The following ZNF765 variants were observed in gnomAD, a reference collection of about 807,000 sequenced individuals.
ZNF765 encodes the protein zinc finger protein 765.
In ZNF765, 37 loss-of-function variants were observed where a neutral mutation model predicts 44.7. That is an observed-to-expected ratio of 0.83 (90% CI 0.64 to 1.09). The LOEUF (loss-of-function observed/expected upper bound fraction) is 1.09. ZNF765 is among the 50% of genes least tolerant of loss of function. ZNF765 has a pLI of 0.00. For missense variants in ZNF765, 594 were observed against 626.1 expected, an observed-to-expected ratio of 0.95 and a Z score of 0.55; for synonymous variants, 201 against 213.7, an observed-to-expected ratio of 0.94 and a Z score of 0.52.
chr19:53,401,824 A>G, intron 2 of ZNF765: 1 of 1,006,876 alleles, frequency 9.9e-7, no homozygotes, highest in Non-Finnish European at 1.5e-6. Context: ...TGCATTGAGC[A>G]GAGACTGTGC....
chr19:53,418,104 A>C (rs1241104133), intron 3 of ZNF765, among the ~76,000 whole-genome samples: 1 of 152,216 alleles, frequency 6.6e-6, no homozygotes, highest in African/African-American at 2.4e-5. Flanking sequence ...AAAGTTTTAA[A>C]AATATAATAG....
intron 1 of ZNF765, among the ~76,000 whole-genome samples, chr19:53,397,260 T>C (rs865925475): frequency 3.3e-5 from 5 of 152,268 alleles, no homozygotes; most frequent in Non-Finnish European, 5.9e-5. Flanking sequence ...AAAGCTAATC[T>C]ATTTTGGTAG....
intron 2 of ZNF765, 127 bp from the exon 3 acceptor site, chr19:53,401,938 C>T: frequency 6.2e-7 from 1 of 1,601,446 alleles, no homozygotes; most frequent in Non-Finnish European, 8.5e-7. Flanking sequence ...TGAAAAATCC[C>T]TTACTCAGAT....
chr19:53,409,978 C>T lies in ZNF765; in HGVS notation c.*851C>T. The T allele has an allele frequency of 1.8e-6, 1 of 550,478 alleles. No homozygotes were observed. The allele number at this position is 550,478 out of a possible 1,614,324, so 34.1% of individuals were successfully genotyped here. A position where few individuals can be genotyped will look rare whatever the true frequency, so the allele number is the denominator to read the frequency against. ...CAACTATTGCAAATCATTGGAGAAT[C>T]CATAATGAAGAGAGATCCTACAAGT... On this transcript the variant is annotated 3_prime_UTR_variant, in exon 4 of 4. Transcript: ENST00000396408.
chr19:53,400,342 T>C (rs1447808783), intron 2 of ZNF765, among the ~76,000 whole-genome samples: 1 of 152,170 alleles, frequency 6.6e-6, no homozygotes, highest in Non-Finnish European at 1.5e-5. Context: ...CTTTTCCCTG[T>C]ATAAAGAGTG....
chr19:53,396,202 C>T (rs1391968234), intron 1 of ZNF765, among the ~76,000 whole-genome samples: 2 of 151,864 alleles, frequency 1.3e-5, no homozygotes, highest in African/African-American at 2.4e-5. Flanking sequence ...GGGAGAAGCA[C>T]AGCAGGGAGG....
chr19:53,416,047 C>T (rs1201238268), downstream of ZNF765, among the ~76,000 whole-genome samples: 1 of 152,026 alleles, frequency 6.6e-6, no homozygotes, highest in Non-Finnish European at 1.5e-5. Flanking sequence ...CTCTGCCTCC[C>T]AGGTTAAAGT....
At chr19:53,399,325 CA>C (rs1268253891) in intron 2 of ZNF765, among the ~76,000 whole-genome samples, 1 of 146,306 alleles carries the variant, frequency 6.8e-6, no homozygotes, top group Non-Finnish European at 1.5e-5. Flanking sequence ...AAACTCCAAG[CA>C]AAGCTGCAGC....
intron 2 of ZNF765, among the ~76,000 whole-genome samples, chr19:53,400,783 T>TATATATATACAC (rs10664389): frequency 0.12 from 15,446 of 126,608 alleles, 1,089 homozygotes; most frequent in African/African-American, 0.17. Context: ...TATATATATA[T>TATATATATACAC]ACACACATAC....
In ZNF765 at chr19:53,402,195, A is replaced by G. The variant is rs1446826552; in HGVS notation, c.142+4A>G. The G allele has an allele frequency of 6.3e-7, 1 of 1,583,442 alleles. No individual in the cohort carries two copies. Among genetic ancestry groups the G allele is most frequent in the Non-Finnish European group, 8.6e-7 (1 of 1,163,030 alleles). On this transcript the variant is annotated splice_donor_region_variant and intron_variant, in intron 3 of 3. Coordinates refer to ENST00000396408, the MANE Select transcript of ZNF765 (RefSeq NM_001040185.3). ...TATAGGAACCTGGTCTCCCTGGGTG[A>G]GGATGACTTCCCTCCTGGGGATGTG...
chr19:53,404,619 A>ATG (rs72178377), intron 3 of ZNF765, among the ~76,000 whole-genome samples: 1,686 of 149,754 alleles, frequency 0.011, 26 homozygotes, highest in African/African-American at 0.037. Flanking sequence ...CACCTGGCTA[A>ATG]TGTGTGTGTG....
intron 3 of ZNF765, among the ~76,000 whole-genome samples, chr19:53,405,059 T>C (rs1283146856): frequency 1.3e-5 from 2 of 151,934 alleles, no homozygotes; most frequent in Non-Finnish European, 2.9e-5. Flanking sequence ...ATCTACTAAA[T>C]ACAAGAATTT....
At chr19:53,398,676 G>A (rs1277214478) in intron 2 of ZNF765, among the ~76,000 whole-genome samples, 1 of 152,088 alleles carries the variant, frequency 6.6e-6, no homozygotes, top group South Asian at 2.1e-4. Context: ...GAGACTGTGG[G>A]GTTCCTGTGG....
exon 4 of ZNF765, chr19:53,424,127 T>TCTAA (rs1371763177): frequency 6.6e-6 from 1 of 151,990 alleles, no homozygotes; most frequent in Non-Finnish European, 1.5e-5. Flanking sequence ...AAACTGACAG[T>TCTAA]CTAACTTGTT....
chr19:53,420,275 T>C (rs1179405778), intron 3 of ZNF765, among the ~76,000 whole-genome samples: 1 of 152,088 alleles, frequency 6.6e-6, no homozygotes, highest in East Asian at 1.9e-4. Context: ...GAAGTTGCGG[T>C]GAGCCAAGAT....
At chr19:53,415,042 C>G (rs1336626980), downstream of ZNF765, among the ~76,000 whole-genome samples, 1 of 152,130 alleles carries the variant, frequency 6.6e-6, no homozygotes, top group Non-Finnish European at 1.5e-5. Context: ...GAGGTTGAGG[C>G]AGGCAGATCA....
intron 3 of ZNF765, among the ~76,000 whole-genome samples, chr19:53,405,462 A>C (rs911348306): frequency 2.6e-5 from 4 of 151,858 alleles, no homozygotes; most frequent in African/African-American, 9.7e-5. Context: ...CAGACACAGA[A>C]ATTTATTTCT....
At chr19:53,395,498 G>T (rs1364662469) in intron 1 of ZNF765, among the ~76,000 whole-genome samples, 2 of 152,254 alleles carry the variant, frequency 1.3e-5, no homozygotes, top group Non-Finnish European at 2.9e-5. Flanking sequence ...CCTCACCCGA[G>T]AGGTGAATTC....
In ZNF765 at chr19:53,409,181, T is replaced by A. The variant is rs754105842; in HGVS notation, c.*54T>A. 2.7e-6 allele frequency: 4 copies of A among 1,460,644 alleles called. No individual in the cohort carries two copies. The African/African-American group carries it at 5.6e-5, about 20-fold the overall frequency. 90.5% of individuals were successfully genotyped at this position (1,460,644 alleles called of 1,614,324 possible). A position where few individuals can be genotyped will look rare whatever the true frequency, so the allele number is the denominator to read the frequency against. Reference sequence around the variant, plus strand: ...TTAACCCTTACATGCCATCGTAGGCTTCATAGTGGAGAGAAACCTTACAAA... The same window carrying A: ...TTAACCCTTACATGCCATCGTAGGCATCATAGTGGAGAGAAACCTTACAAA... On this transcript the variant is annotated 3_prime_UTR_variant, in exon 4 of 4. Transcript: ENST00000396408.
Sources: allele counts gnomAD v4.1 joint callset (sites outside exome capture counted in the v4.1 genomes callset), GRCh38; gene constraint gnomAD v4.1.1; transcripts MANE v1.5; gene names NCBI Gene and HGNC (gene_info 2026-07-23, HGNC 2026-07-21).